Variants in P3H2 observed in about 807,000 individuals in gnomAD.
P3H2 encodes prolyl 3-hydroxylase 2.
A neutral mutation model predicts 87.0 loss-of-function variants in P3H2; 80 were observed. That is an observed-to-expected ratio of 0.92 (90% CI 0.77 to 1.11). P3H2 has a LOEUF of 1.11. Among genes scored for constraint, P3H2 ranks in the 50% least tolerant of loss-of-function variants. The pLI is 0.00. For missense variants in P3H2, 1,001 were observed against 923.9 expected (o/e 1.08, Z -1.08); for synonymous variants, 367 against 359.3 (o/e 1.02, Z -0.24).
chr3:190,116,863 G>A lies in P3H2; in HGVS notation c.480+3389C>T, dbSNP rs117736504. 8.6e-4 allele frequency among the ~76,000 whole-genome samples: 131 copies of A among 152,316 alleles called. 2 individuals carry two copies. The East Asian group carries it at 0.024, about 28-fold the overall frequency. On this transcript the variant is annotated intron_variant, in intron 1 of 14. Transcript: ENST00000319332. ...TGGCTAGGAGCCACGTGAAACTACT[G>A]CCTCATAGCTGTCTAGGCAAATTCC...
chr3:190,112,832 A>G (rs752627822), intron 1 of P3H2, among the ~76,000 whole-genome samples: 1 of 152,146 alleles, frequency 6.6e-6, no homozygotes, highest in Non-Finnish European at 1.5e-5. Context: ...GCAAATGATG[A>G]CAAGGTCTGG....
intron 1 of P3H2, among the ~76,000 whole-genome samples, chr3:190,066,687 A>C (rs564944650): frequency 7.6e-4 from 116 of 152,314 alleles, no homozygotes; most frequent in African/African-American, 2.8e-3. Context: ...TATGAAAAAA[A>C]TCTGATAGTG....
chr3:189,993,574 G>A (rs1374921), intron 3 of P3H2, among the ~76,000 whole-genome samples: 116,751 of 151,998 alleles, frequency 0.77, 45,176 homozygotes, highest in East Asian at 0.93. Flanking sequence ...TTCTTATTAA[G>A]TAATAAAACA....
chr3:189,985,500 G>C (rs373922945), intron 6 of P3H2, among the ~76,000 whole-genome samples: 9 of 151,354 alleles, frequency 5.9e-5, no homozygotes, highest in South Asian at 2.1e-4. Flanking sequence ...TGAGACTTTA[G>C]AGTAGTCACT....
At chr3:190,054,077 T>C (rs529526175) in intron 1 of P3H2, among the ~76,000 whole-genome samples, 1 of 152,308 alleles carries the variant, frequency 6.6e-6, no homozygotes, top group Admixed American at 6.5e-5. Flanking sequence ...TGCACTGTAT[T>C]CTAATGTTCT....
chr3:189,973,710 G>A lies in P3H2; in HGVS notation c.1548+199C>T, dbSNP rs1815171. 0.53 allele frequency among the ~76,000 whole-genome samples: 79,999 copies of A among 151,040 alleles called. 21,800 individuals are homozygous for A. Among genetic ancestry groups the A allele is most frequent in the East Asian group, 0.8 (4,087 of 5,104 alleles). ...GGCTAATTTTTTTGTATTTTTAGTA[G>A]AGACGGGGTTTCACCATGTTAGCCA... On this transcript the variant is annotated intron_variant, in intron 10 of 14. Coordinates refer to ENST00000319332, the MANE Select transcript of P3H2 (RefSeq NM_018192.4).
intron 1 of P3H2, among the ~76,000 whole-genome samples, chr3:190,009,378 T>G (rs937107409): frequency 2.6e-5 from 4 of 152,194 alleles, no homozygotes; most frequent in Non-Finnish European, 5.9e-5. Flanking sequence ...TCGAGTAGCA[T>G]AGGATGGTCT....
chr3:190,059,945 G>C (rs1037914636), intron 1 of P3H2, among the ~76,000 whole-genome samples: 6 of 152,140 alleles, frequency 3.9e-5, no homozygotes, highest in Non-Finnish European at 8.8e-5. Flanking sequence ...AATTGGTATA[G>C]TTCCAGTTTA....
At position 189,973,015 on chromosome 3, in the gene P3H2, C is replaced by T. The variant is rs866107570; in HGVS notation, c.1558G>A (p.Glu520Lys). Residue 520 changes from glutamate (E) to lysine (K), a missense_variant, in exon 11 of 15, where the codon GAA becomes AAA. Glu to Lys is a moderately conservative substitution (Grantham distance 56, BLOSUM62 1). Coordinates refer to ENST00000319332, the MANE Select transcript of P3H2 (RefSeq NM_018192.4). The stretch of plus-strand genomic sequence containing the variant: ...GCGCTCTTCAGTGGGACTCGACCTT[C>T]ATAACCAGACTGAAAAAAAAAAACA... ...TVLKALKSGY[E>K]GRVPLKSARL... 5.7e-6 allele frequency: 9 copies of T among 1,590,432 alleles called. No individual in the cohort carries two copies. In the Middle Eastern group the frequency reaches 6.6e-4, roughly 117 times the overall value.
intron 1 of P3H2, among the ~76,000 whole-genome samples, chr3:190,053,467 T>G (rs1726047872): frequency 6.7e-6 from 1 of 149,206 alleles, no homozygotes; most frequent in African/African-American, 2.4e-5. Context: ...TTTTTTTTTT[T>G]GAGATGGAGT....
At chr3:190,095,726 G>A (rs922709678) in intron 1 of P3H2, among the ~76,000 whole-genome samples, 11 of 151,030 alleles carry the variant, frequency 7.3e-5, no homozygotes, top group Non-Finnish European at 1.0e-4. Flanking sequence ...TCAGCCTCCC[G>A]AGTAGCTGGG....
intron 1 of P3H2, among the ~76,000 whole-genome samples, chr3:190,108,899 A>C (rs1349474578): frequency 6.6e-6 from 1 of 152,190 alleles, no homozygotes; most frequent in Non-Finnish European, 1.5e-5. Flanking sequence ...TCAGTGTTGT[A>C]CACGTGGAAT....
intron 1 of P3H2, among the ~76,000 whole-genome samples, chr3:190,010,335 C>T (rs528342518): frequency 2.0e-5 from 3 of 152,070 alleles, no homozygotes; most frequent in South Asian, 2.1e-4. Context: ...ACGTGTTTTG[C>T]GCTAAATGGT....
At chr3:190,104,886 T>C (rs1711771525) in intron 1 of P3H2, among the ~76,000 whole-genome samples, 1 of 152,220 alleles carries the variant, frequency 6.6e-6, no homozygotes, top group Non-Finnish European at 1.5e-5. Flanking sequence ...ATGTGTGTCT[T>C]AGGGCCTTGG....
chr3:189,971,227 T>C (rs986502563), intron 12 of P3H2, among the ~76,000 whole-genome samples: 1 of 152,234 alleles, frequency 6.6e-6, no homozygotes, highest in African/African-American at 2.4e-5. Flanking sequence ...CTTTTTCCCT[T>C]ATATAACTCT....
intron 1 of P3H2, among the ~76,000 whole-genome samples, chr3:190,004,842 G>C (rs1362170608): frequency 6.6e-6 from 1 of 151,738 alleles, no homozygotes; most frequent in African/African-American, 2.4e-5. Context: ...TCTTTCCCGA[G>C]TGACTCAATT....
intron 1 of P3H2, among the ~76,000 whole-genome samples, chr3:190,088,389 A>G (rs1727295725): frequency 6.6e-6 from 1 of 152,214 alleles, no homozygotes; most frequent in Non-Finnish European, 1.5e-5. Context: ...CAATGATTCT[A>G]TATTTCTTTG....
At chr3:189,986,554 A>G (rs757822679) in intron 6 of P3H2, among the ~76,000 whole-genome samples, 4 of 152,168 alleles carry the variant, frequency 2.6e-5, no homozygotes, top group Non-Finnish European at 5.9e-5. Flanking sequence ...ACGCCACTGC[A>G]CTCCAGCCTG....
In P3H2 at chr3:190,076,288, CA is replaced by C. The variant is rs142760308; in HGVS notation, c.480+43963del. ...GGAGCACACTCTGGATTTTCAGGGC[CA>C]AGTGCTCCCTGCTTCCTGGAAACTT... On this transcript the variant is annotated intron_variant, in intron 1 of 14. Transcript: ENST00000319332. Among the ~76,000 whole-genome samples the C allele has an allele frequency of 2.3e-3, 352 of 152,236 alleles. 1 individual carries two copies. The highest frequency in any genetic ancestry group is 0.011 in the South Asian group (51 of 4,822).
Sources: gnomAD v4.1 joint callset for allele counts (sites outside exome capture counted in the v4.1 genomes callset) on GRCh38, gnomAD v4.1.1 for gene constraint, MANE v1.5 for transcripts, NCBI Gene and HGNC (gene_info 2026-07-23, HGNC 2026-07-21) for gene names.